The following TTLL11 variants were observed in gnomAD, a reference collection of about 807,000 sequenced individuals.
TTLL11 encodes tubulin polyglutamylase TTLL11.
A neutral mutation model predicts 51.7 loss-of-function variants in TTLL11; 42 were observed. The observed-to-expected ratio is 0.81, with a 90% CI of 0.64 to 1.05. The LOEUF (loss-of-function observed/expected upper bound fraction) is 1.05. Ranked by LOEUF, TTLL11 falls within the 50% of genes least tolerant of loss-of-function variation. The pLI is 0.00. For synonymous variants in TTLL11, 381 were observed against 383.5 expected (o/e 0.99, Z 0.08); for missense variants, 799 against 940.4 (o/e 0.85, Z 1.97).
intron 6 of TTLL11, among the ~76,000 whole-genome samples, chr9:121,897,640 A>ACACACACACACACACACACACGCGCG (rs111331446): frequency 4.2e-4 from 59 of 139,388 alleles, no homozygotes; most frequent in Admixed American, 7.8e-4. Context: ...ACACACACAC[A>ACACACACACACACACACACACGCGCG]CGCGCGCGCG....
intron 3 of TTLL11, among the ~76,000 whole-genome samples, chr9:122,025,167 A>T (rs1255729938): frequency 6.6e-6 from 1 of 152,168 alleles, no homozygotes; most frequent in East Asian, 1.9e-4. Context: ...TTAAAAAAAA[A>T]TAGGCAAAAC....
chr9:121,988,327 C>T (rs1390364871), intron 4 of TTLL11, among the ~76,000 whole-genome samples: 1 of 152,218 alleles, frequency 6.6e-6, no homozygotes, highest in East Asian at 1.9e-4. Flanking sequence ...TGGAATGCAT[C>T]TTTCCCCTGC....
At chr9:121,914,030 A>G (rs1840235702) in intron 6 of TTLL11, among the ~76,000 whole-genome samples, 1 of 152,178 alleles carries the variant, frequency 6.6e-6, no homozygotes. Context: ...CCACTCGGAG[A>G]AACTAAGGCT....
At chr9:122,004,535 C>G (rs1843578657) in intron 3 of TTLL11, among the ~76,000 whole-genome samples, 1 of 151,912 alleles carries the variant, frequency 6.6e-6, no homozygotes, top group Admixed American at 6.6e-5. Flanking sequence ...TTTTTTTTAG[C>G]AGAGACAGTG....
chr9:122,058,723 C>G (rs1845361802), intron 1 of TTLL11, among the ~76,000 whole-genome samples: 1 of 152,210 alleles, frequency 6.6e-6, no homozygotes, highest in Admixed American at 6.5e-5. Context: ...CACAGCTCAA[C>G]ACAGCTAATA....
intron 8 of TTLL11, among the ~76,000 whole-genome samples, chr9:121,825,571 G>T (rs1450634906): frequency 6.6e-6 from 1 of 152,154 alleles, no homozygotes; most frequent in East Asian, 1.9e-4. Flanking sequence ...CAATCTGTGG[G>T]TTGCAACTTT....
At chr9:121,917,700 GAAGAAAGA>G (rs552967599) in intron 6 of TTLL11, among the ~76,000 whole-genome samples, 1 of 151,500 alleles carries the variant, frequency 6.6e-6, no homozygotes, top group East Asian at 1.9e-4. Flanking sequence ...AGGAAGGAAA[GAAGAAAGA>G]AAGAAAGAAA....
intron 8 of TTLL11, among the ~76,000 whole-genome samples, chr9:121,856,876 C>G (rs1178342370): frequency 6.6e-6 from 1 of 152,232 alleles, no homozygotes; most frequent in Non-Finnish European, 1.5e-5. Flanking sequence ...TTTCTGCTGA[C>G]ACTTGGCAAA....
At chr9:122,060,350 T>C (rs1435930846) in intron 1 of TTLL11, among the ~76,000 whole-genome samples, 1 of 152,238 alleles carries the variant, frequency 6.6e-6, no homozygotes, top group Non-Finnish European at 1.5e-5. Context: ...TAGTCTCTTA[T>C]ATGAGCCTTA....
chr9:122,048,118 C>T (rs1180399005), intron 1 of TTLL11, among the ~76,000 whole-genome samples: 1 of 152,156 alleles, frequency 6.6e-6, no homozygotes, highest in Non-Finnish European at 1.5e-5. Flanking sequence ...CCTCTTTAGT[C>T]TACCTGACAC....
intron 6 of TTLL11, among the ~76,000 whole-genome samples, chr9:121,879,434 C>A (rs558983042): frequency 1.3e-5 from 2 of 152,334 alleles, no homozygotes; most frequent in South Asian, 4.1e-4. Flanking sequence ...TGCTCTGACA[C>A]CCTCCTTCTC....
chr9:122,064,673 G>A (rs1845527429), intron 1 of TTLL11, among the ~76,000 whole-genome samples: 1 of 152,168 alleles, frequency 6.6e-6, no homozygotes, highest in Non-Finnish European at 1.5e-5. Flanking sequence ...TCTAGTGGGG[G>A]ATGACAGACA....
intron 3 of TTLL11, among the ~76,000 whole-genome samples, chr9:121,994,979 T>C (rs1177223646): frequency 6.6e-6 from 1 of 152,056 alleles, no homozygotes; most frequent in Non-Finnish European, 1.5e-5. Flanking sequence ...CCCCTATGTC[T>C]AGGTAGTCAC....
chr9:121,867,412 T>C (rs1039348306), intron 7 of TTLL11, among the ~76,000 whole-genome samples: 1 of 152,292 alleles, frequency 6.6e-6, no homozygotes, highest in South Asian at 2.1e-4. Context: ...CTGTGATAGC[T>C]GATGCTTCCT....
intron 6 of TTLL11, among the ~76,000 whole-genome samples, chr9:121,950,822 G>C (rs752493622): frequency 6.6e-6 from 1 of 152,154 alleles, no homozygotes; most frequent in South Asian, 2.1e-4. Context: ...GGGATGAACC[G>C]AACCTGGCTC....
intron 6 of TTLL11, among the ~76,000 whole-genome samples, chr9:121,894,747 C>T (rs1048544461): frequency 2.6e-5 from 4 of 151,630 alleles, no homozygotes; most frequent in African/African-American, 7.3e-5. Context: ...CAGGGCCTGT[C>T]GGGGGGTGGG....
intron 6 of TTLL11, among the ~76,000 whole-genome samples, chr9:121,900,538 A>G (rs1323503535): frequency 6.6e-6 from 1 of 152,108 alleles, no homozygotes; most frequent in Non-Finnish European, 1.5e-5. Context: ...TTCTATTCTC[A>G]TTGGAAAATT....
chr9:121,971,024 GGT>G (rs1842533176), intron 6 of TTLL11, among the ~76,000 whole-genome samples: 3 of 145,500 alleles, frequency 2.1e-5, no homozygotes, highest in East Asian at 2.0e-4. Context: ...GAGGTGGGGG[GGT>G]CAGCCCCCCG....
At chr9:121,996,204 C>T (rs553057229) in intron 3 of TTLL11, among the ~76,000 whole-genome samples, 3 of 152,126 alleles carry the variant, frequency 2.0e-5, no homozygotes, top group African/African-American at 4.8e-5. Context: ...ACTTCCTGCC[C>T]TTCCCTCCTG....
Sources: gnomAD v4.1 joint callset for allele counts (sites outside exome capture counted in the v4.1 genomes callset) on GRCh38, gnomAD v4.1.1 for gene constraint, MANE v1.5 for transcripts, NCBI Gene and HGNC (gene_info 2026-07-23, HGNC 2026-07-21) for gene names.